The following FRMD4A variants were observed in gnomAD, a reference collection of about 807,000 sequenced individuals.
FRMD4A encodes FERM domain containing 4A.
FRMD4A carries 29 observed loss-of-function variants against 129.1 expected under a neutral mutation model. That is an observed-to-expected ratio of 0.22 (90% CI 0.17 to 0.31). The LOEUF is 0.31. FRMD4A is among the 10% of genes least tolerant of loss of function. FRMD4A has a pLI of 1.00. For missense variants in FRMD4A, 1,272 were observed against 1,375.8 expected (o/e 0.92, Z 1.19); for synonymous variants, 634 against 571.6 (o/e 1.11, Z -1.56).
chr10:13,938,232 CTGTT>C (rs547717822), intron 2 of FRMD4A, among the ~76,000 whole-genome samples: 77 of 151,676 alleles, frequency 5.1e-4, no homozygotes, highest in Middle Eastern at 3.4e-3. Context: ...TTTGTTGTTG[CTGTT>C]TGTTTGTTTG....
rs1564319427 is a variant in FRMD4A, at chr10:14,127,980, T to TTTCTTTCTTTCTC, written c.45+202077_45+202078insGAGAAAGAAAGAA. 4.1e-4 allele frequency among the ~76,000 whole-genome samples: 8 copies of TTTCTTTCTTTCTC among 19,356 alleles called. 2 individuals are homozygous for TTTCTTTCTTTCTC. Among genetic ancestry groups the TTTCTTTCTTTCTC allele is most frequent in the East Asian group, 1.2e-3 (1 of 802 alleles). 12.7% of individuals were successfully genotyped at this position (19,356 alleles called of 152,430 possible). ...TTTCTTTCTTTCTTTCTTTCTTTCCTTCTCTCTCTCTCTCTCTCTCTTTCT... is the reference window on the plus strand; with the variant it reads ...TTTCTTTCTTTCTTTCTTTCTTTCCTTTCTTTCTTTCTCTCTCTCTCTCTCTCTCTCTCTTTCT... On this transcript the variant is annotated intron_variant, in intron 2 of 24. Coordinates refer to ENST00000357447, the MANE Select transcript of FRMD4A (RefSeq NM_018027.5).
intron 2 of FRMD4A, among the ~76,000 whole-genome samples, chr10:13,866,714 C>T (rs909628319): frequency 6.6e-6 from 1 of 152,162 alleles, no homozygotes; most frequent in African/African-American, 2.4e-5. Flanking sequence ...AATCCCAGCG[C>T]TTTGGGAGGC....
At chr10:13,748,907 T>C (rs1274259655) in intron 8 of FRMD4A, among the ~76,000 whole-genome samples, 1 of 152,238 alleles carries the variant, frequency 6.6e-6, no homozygotes, top group Non-Finnish European at 1.5e-5. Flanking sequence ...GGCAGTTTTA[T>C]GCATCCGGTC....
At chr10:13,946,711 T>G (rs1389253255) in intron 2 of FRMD4A, among the ~76,000 whole-genome samples, 1 of 152,208 alleles carries the variant, frequency 6.6e-6, no homozygotes, top group Non-Finnish European at 1.5e-5. Flanking sequence ...AAGACCAGCA[T>G]GGCCAGCCTA....
At chr10:13,748,203 C>T (rs1564735847) in intron 8 of FRMD4A, among the ~76,000 whole-genome samples, 1 of 152,176 alleles carries the variant, frequency 6.6e-6, no homozygotes, top group South Asian at 2.1e-4. Flanking sequence ...CTCCCCAGAA[C>T]CCCGCCGTTA....
At chr10:13,893,523 A>T (rs2094724198) in intron 2 of FRMD4A, among the ~76,000 whole-genome samples, 1 of 151,092 alleles carries the variant, frequency 6.6e-6, no homozygotes, top group Non-Finnish European at 1.5e-5. Flanking sequence ...GACCTACAAC[A>T]TTTTTTTTTC....
intron 9 of FRMD4A, among the ~76,000 whole-genome samples, chr10:13,746,058 C>G (rs2091275491): frequency 6.6e-6 from 1 of 152,174 alleles, no homozygotes; most frequent in African/African-American, 2.4e-5. Context: ...TTATTTACAT[C>G]TATGTTTCCA....
chr10:14,301,611 A>T (rs1025391505), intron 2 of FRMD4A, among the ~76,000 whole-genome samples: 14 of 152,278 alleles, frequency 9.2e-5, no homozygotes, highest in Middle Eastern at 3.4e-3. Flanking sequence ...GCATCTAATG[A>T]TTTCTGTTGG....
At chr10:14,299,620 C>A (rs1846120178) in intron 2 of FRMD4A, among the ~76,000 whole-genome samples, 1 of 152,164 alleles carries the variant, frequency 6.6e-6, no homozygotes, top group Admixed American at 6.5e-5. Flanking sequence ...CACCTCTCCC[C>A]ACTCTACAGT....
chr10:14,130,833 G>GCC (rs1564323365), intron 2 of FRMD4A, among the ~76,000 whole-genome samples: 1 of 152,144 alleles, frequency 6.6e-6, no homozygotes, highest in Non-Finnish European at 1.5e-5. Flanking sequence ...AAACTCCGTA[G>GCC]CCCCTGGCTC....
chr10:13,704,480 G>A, intron 13 of FRMD4A, among the ~76,000 whole-genome samples: 1 of 151,914 alleles, frequency 6.6e-6, no homozygotes, highest in Non-Finnish European at 1.5e-5. Flanking sequence ...GCCCCCACCT[G>A]ACATCTATAT....
intron 2 of FRMD4A, among the ~76,000 whole-genome samples, chr10:13,894,890 C>T (rs923173275): frequency 2.6e-5 from 4 of 152,202 alleles, no homozygotes; most frequent in Non-Finnish European, 5.9e-5. Flanking sequence ...TTGAATCTTG[C>T]CTGGCCACCC....
At chr10:13,949,923 C>G (rs1032417849) in intron 2 of FRMD4A, among the ~76,000 whole-genome samples, 1 of 152,222 alleles carries the variant, frequency 6.6e-6, no homozygotes, top group African/African-American at 2.4e-5. Context: ...GGGTTTTTCT[C>G]TTTGGAATGC....
chr10:14,167,003 G>T (rs1841216436), intron 2 of FRMD4A, among the ~76,000 whole-genome samples: 1 of 152,102 alleles, frequency 6.6e-6, no homozygotes, highest in South Asian at 2.1e-4. Context: ...ACACTTAGAA[G>T]AAATAAACCC....
chr10:14,319,612 G>T (rs1235045297), intron 2 of FRMD4A, among the ~76,000 whole-genome samples: 2 of 152,130 alleles, frequency 1.3e-5, no homozygotes, highest in East Asian at 3.9e-4. Context: ...AACATTGATT[G>T]GGTACAAACA....
intron 3 of FRMD4A, among the ~76,000 whole-genome samples, chr10:13,839,755 C>T (rs907740082): frequency 3.9e-5 from 6 of 152,200 alleles, no homozygotes; most frequent in South Asian, 2.1e-4. Flanking sequence ...AGCCATGTCC[C>T]GCAGTGCTTG....
intron 2 of FRMD4A, among the ~76,000 whole-genome samples, chr10:13,918,679 C>T (rs2095036394): frequency 6.6e-6 from 1 of 151,936 alleles, no homozygotes; most frequent in South Asian, 2.1e-4. Context: ...CAGGTGTGCA[C>T]CACCACACCT....
chr10:13,707,953 C>A, intron 12 of FRMD4A: 1 of 927,878 alleles, frequency 1.1e-6, no homozygotes, highest in Non-Finnish European at 1.3e-6. Flanking sequence ...GCTCCAGGAA[C>A]GGGGTTCCTT....
chr10:13,785,890 T>C lies in FRMD4A; in HGVS notation c.300-2884A>G, dbSNP rs1038831855. Among the ~76,000 whole-genome samples, 250 of 152,152 alleles carry C rather than the reference T, an allele frequency of 1.6e-3. 7 individuals are homozygous for C. Among genetic ancestry groups the C allele is most frequent in the Non-Finnish European group, 4.1e-4 (28 of 68,038 alleles). Reference sequence around the variant, plus strand: ...TGTGGTGTTTGGTTTTCTGTCCTTGTGACAGTTTGCTCAGAATGATGGTTT... The same window carrying C: ...TGTGGTGTTTGGTTTTCTGTCCTTGCGACAGTTTGCTCAGAATGATGGTTT... On this transcript the variant is annotated intron_variant, in intron 5 of 24. Transcript: ENST00000357447.
Sources: allele counts gnomAD v4.1 joint callset (sites outside exome capture counted in the v4.1 genomes callset), GRCh38; gene constraint gnomAD v4.1.1; transcripts MANE v1.5; gene names NCBI Gene and HGNC (gene_info 2026-07-23, HGNC 2026-07-21).